The following ANO4 variants were observed in gnomAD, a reference collection of about 807,000 sequenced individuals.
ANO4 encodes the protein anoctamin 4.
A neutral mutation model predicts 141.9 loss-of-function variants in ANO4; 69 were observed. The observed-to-expected ratio is 0.49, with a 90% CI of 0.40 to 0.59. The LOEUF (loss-of-function observed/expected upper bound fraction) is 0.59. Among genes scored for constraint, ANO4 ranks in the 20% least tolerant of loss-of-function variants. The pLI is 0.00. For missense variants in ANO4, 894 were observed against 1,162.2 expected (o/e 0.77, Z 3.36); for synonymous variants, 350 against 394.3 (o/e 0.89, Z 1.33).
At chr12:101,119,891 T>C (rs1291577866) in intron 25 of ANO4, among the ~76,000 whole-genome samples, 2 of 152,144 alleles carry the variant, frequency 1.3e-5, no homozygotes, top group South Asian at 2.1e-4. Context: ...CCCCAACAGG[T>C]ATTCGGCAAA....
chr12:100,919,235 A>T (rs956859559), intron 2 of ANO4, among the ~76,000 whole-genome samples: 1 of 152,168 alleles, frequency 6.6e-6, no homozygotes, highest in East Asian at 1.9e-4. Context: ...AATAAATTTA[A>T]TGTGGCGTAA....
intron 2 of ANO4, 101 bp from the exon 3 acceptor site, chr12:100,922,125 A>G: frequency 5.7e-6 from 4 of 703,868 alleles, no homozygotes; most frequent in Non-Finnish European, 8.3e-6. Context: ...CAAACCAGCT[A>G]GCCATTCACT....
Position 100,853,418 on chromosome 12 carries a change from T to C in ANO4, c.-140-48228T>C, listed in dbSNP as rs78219128. Among the ~76,000 whole-genome samples, 631 of 152,266 alleles carry C rather than the reference T, an allele frequency of 4.1e-3. 25 individuals are homozygous for C. The East Asian group carries it at 0.097, about 23-fold the overall frequency. On this transcript the variant is annotated intron_variant, in intron 1 of 27. Transcript: ENST00000392977. ...ATGTTCTAGAGATTTGTTTTTACCT[T>C]CATATTTATTAAAAAGACTGTCCTC...
chr12:100,961,651 A>G (rs2043430047), intron 5 of ANO4, among the ~76,000 whole-genome samples: 1 of 152,250 alleles, frequency 6.6e-6, no homozygotes, highest in Non-Finnish European at 1.5e-5. Flanking sequence ...CAATAGATCT[A>G]AGATATCATT....
intron 1 of ANO4, among the ~76,000 whole-genome samples, chr12:100,851,995 T>C (rs1463382022): frequency 1.3e-5 from 2 of 152,132 alleles, no homozygotes; most frequent in Admixed American, 1.3e-4. Flanking sequence ...GCAGGAGCAT[T>C]CTAGCCTCTC....
At chr12:100,730,155 AG>A (rs1741961568) in intron 1 of ANO4, among the ~76,000 whole-genome samples, 1 of 152,224 alleles carries the variant, frequency 6.6e-6, no homozygotes, top group African/African-American at 2.4e-5. Flanking sequence ...AGAAGGGTTT[AG>A]AAAGAATGAG....
chr12:101,013,765 A>G (rs1593013767), intron 8 of ANO4, among the ~76,000 whole-genome samples: 2 of 152,364 alleles, frequency 1.3e-5, no homozygotes, highest in East Asian at 3.9e-4. Context: ...TAGCACAGAT[A>G]AAGAACATTT....
At chr12:100,726,891 A>T (rs1356170268) in intron 1 of ANO4, among the ~76,000 whole-genome samples, 2 of 151,734 alleles carry the variant, frequency 1.3e-5, no homozygotes, top group East Asian at 3.8e-4. Context: ...CTTTGAAAAA[A>T]ATTGGTAATT....
intron 3 of ANO4, among the ~76,000 whole-genome samples, chr12:100,747,684 C>T (rs2032176759): frequency 6.6e-6 from 1 of 152,102 alleles, no homozygotes; most frequent in South Asian, 2.1e-4. Context: ...ATCACCTTGG[C>T]CAAGATGGTG....
At chr12:100,901,581 C>T (rs992724728) in intron 1 of ANO4, 65 bp from the exon 2 acceptor site, 8 of 626,290 alleles carry the variant, frequency 1.3e-5, no homozygotes, top group South Asian at 3.8e-5. Context: ...CATATGAGAG[C>T]GTAACAGCCT....
intron 1 of ANO4, among the ~76,000 whole-genome samples, chr12:100,884,364 T>C (rs2039720085): frequency 6.6e-6 from 1 of 152,174 alleles, no homozygotes; most frequent in Non-Finnish European, 1.5e-5. Context: ...AGCTTCACAG[T>C]CTCCCTCCTC....
At chr12:100,912,801 A>G (rs764088174) in intron 2 of ANO4, among the ~76,000 whole-genome samples, 5 of 152,110 alleles carry the variant, frequency 3.3e-5, no homozygotes, top group African/African-American at 4.8e-5. Flanking sequence ...GGAAGATAAA[A>G]TTGTATGGAA....
intron 7 of ANO4, among the ~76,000 whole-genome samples, chr12:100,978,107 A>C (rs2044287055): frequency 6.6e-6 from 1 of 152,208 alleles, no homozygotes; most frequent in African/African-American, 2.4e-5. Context: ...CCTGTGCTGT[A>C]ATCTATGATG....
At chr12:100,938,617 A>G (rs553341979) in intron 3 of ANO4, among the ~76,000 whole-genome samples, 1 of 152,300 alleles carries the variant, frequency 6.6e-6, no homozygotes, top group South Asian at 2.1e-4. Flanking sequence ...GGCGTGCTGT[A>G]AGGCACTCTG....
intron 1 of ANO4, among the ~76,000 whole-genome samples, chr12:100,851,632 A>G (rs1258725295): frequency 6.6e-6 from 1 of 152,186 alleles, no homozygotes; most frequent in Non-Finnish European, 1.5e-5. Flanking sequence ...ATTTTCTCCT[A>G]TTTTAAAAAT....
At chr12:100,975,763 T>C (rs2044155564) in intron 7 of ANO4, among the ~76,000 whole-genome samples, 5 of 151,974 alleles carry the variant, frequency 3.3e-5, no homozygotes, top group Admixed American at 2.6e-4. Flanking sequence ...TCTACAAAAA[T>C]TCCTCCCTCC....
intron 9 of ANO4, among the ~76,000 whole-genome samples, chr12:101,024,464 C>T (rs2046653017): frequency 6.6e-6 from 1 of 152,028 alleles, no homozygotes; most frequent in African/African-American, 2.4e-5. Flanking sequence ...AGCATGGTGG[C>T]ACTCACCTGT....
chr12:101,093,735 ATCGGG>A (rs1183573018), intron 17 of ANO4, among the ~76,000 whole-genome samples: 1 of 152,144 alleles, frequency 6.6e-6, no homozygotes, highest in Non-Finnish European at 1.5e-5. Context: ...TTAAGGAGGC[ATCGGG>A]TCCACCAATG....
chr12:101,053,156 C>A (rs1429323289), intron 14 of ANO4, among the ~76,000 whole-genome samples: 1 of 152,058 alleles, frequency 6.6e-6, no homozygotes, highest in Non-Finnish European at 1.5e-5. Context: ...TACAATAGGC[C>A]AATGAGGGTT....
Sources: gnomAD v4.1 joint callset for allele counts (sites outside exome capture counted in the v4.1 genomes callset) on GRCh38, gnomAD v4.1.1 for gene constraint, MANE v1.5 for transcripts, NCBI Gene and HGNC (gene_info 2026-07-23, HGNC 2026-07-21) for gene names.